The following MOGAT3 variants were observed in gnomAD, a reference collection of about 807,000 sequenced individuals.
The protein encoded by MOGAT3 is 2-acylglycerol O-acyltransferase 3.
A neutral mutation model predicts 34.4 loss-of-function variants in MOGAT3; 39 were observed. The ratio of observed to expected loss-of-function variants is 1.13; its 90% CI spans 0.88 to 1.48. The LOEUF is 1.48. MOGAT3 is among the 40% of genes most tolerant of loss of function. The probability of loss-of-function intolerance (pLI) is 0.00; values close to 1 mark genes in which losing one functional copy is unlikely to be tolerated. For missense variants in MOGAT3, 439 were observed against 438.9 expected (o/e 1.00, Z 0.00); for synonymous variants, 209 against 179.2 (o/e 1.17, Z -1.33).
In MOGAT3 at chr7:101,195,920, G is replaced by A. The variant is rs761650402; in HGVS notation, c.*26C>T. On this transcript the variant is annotated 3_prime_UTR_variant, in exon 7 of 7. Transcript: ENST00000223114. ...GAGGTCTCAGTGCCTTGGGCTCAGG[G>A]GCTCAGCGAAAGGCCGCGGCCAGGC... The A allele has an allele frequency of 1.1e-5, 17 of 1,613,304 alleles. No homozygotes were observed. The highest frequency in any genetic ancestry group is 8.3e-5 in the Admixed American group (5 of 59,954).
At position 101,196,135 on chromosome 7, in the gene MOGAT3, C is replaced by A. The variant is rs375257856; in HGVS notation, c.872-35G>T. The A allele has an allele frequency of 8.2e-6, 13 of 1,584,406 alleles. No individual in the cohort carries two copies. The African/African-American group carries it at 1.7e-4, about 21-fold the overall frequency. On this transcript the variant is annotated intron_variant, in intron 6 of 6. Coordinates refer to ENST00000223114, the MANE Select transcript of MOGAT3 (RefSeq NM_178176.4). The stretch of plus-strand genomic sequence containing the variant: ...GAGGGAGACAGGTGGGCGAGGGATC[C>A]CTGATGCCCACGCAGCTGCTGGTGG...
intron 5 of MOGAT3, among the ~76,000 whole-genome samples, chr7:101,197,729 G>A (rs1363644759): frequency 6.6e-6 from 1 of 152,178 alleles, no homozygotes; most frequent in African/African-American, 2.4e-5. Context: ...GTGAAACCCC[G>A]TCTCTACTAA....
chr7:101,200,319 A>ATAC lies in MOGAT3; in HGVS notation c.218-18_218-16dup, dbSNP rs1184057230. The ATAC allele has an allele frequency of 1.2e-6, 2 of 1,613,664 alleles. No individual in the cohort carries two copies. The highest frequency in any genetic ancestry group is 1.7e-6 in the Non-Finnish European group (2 of 1,179,720). ...ACGCCTTCCACCTGCGGACAATGAG[A>ATAC]TACTGGTGGACGAACCCCCGGAGTC... On this transcript the variant is annotated splice_polypyrimidine_tract_variant and intron_variant, in intron 2 of 6. Coordinates refer to ENST00000223114, the MANE Select transcript of MOGAT3 (RefSeq NM_178176.4).
At chr7:101,196,129 G>T in intron 6 of MOGAT3, 29 bp from the exon 7 acceptor site, 1 of 1,587,652 alleles carries the variant, frequency 6.3e-7, no homozygotes, top group Non-Finnish European at 8.6e-7. Flanking sequence ...AGGTGGGCGA[G>T]GGATCCCTGA....
chr7:101,194,498 C>CTTT (rs34849826), downstream of MOGAT3, among the ~76,000 whole-genome samples: 47 of 95,516 alleles, frequency 4.9e-4, no homozygotes, highest in Non-Finnish European at 6.6e-4. Flanking sequence ...AGGACATAAG[C>CTTT]TTTTTTTTTT....
downstream of MOGAT3, chr7:101,194,929 T>C (rs56406107): frequency 0.11 from 16,661 of 152,398 alleles, 1,037 homozygotes; most frequent in South Asian, 0.16. Flanking sequence ...TTCACCTCCA[T>C]CTAAATCCTG....
chr7:101,200,144 G>A (rs1797913420), intron 3 of MOGAT3, 90 bp downstream of exon 3: 1 of 1,110,208 alleles, frequency 9.0e-7, no homozygotes, highest in Non-Finnish European at 1.4e-6. Flanking sequence ...GCAGCGGGGA[G>A]CTCAGGCCCC....
In MOGAT3 at chr7:101,198,826, A is replaced by G. The variant is rs565362840; in HGVS notation, c.293T>C (p.Val98Ala). Residue 98 changes from valine (V) to alanine (A), a missense_variant, in exon 4 of 7, where the codon GTG (valine) becomes GCG (alanine). Physicochemically the swap from Val to Ala is moderately conservative, Grantham distance 64. Coordinates refer to ENST00000223114, the MANE Select transcript of MOGAT3 (RefSeq NM_178176.4). ...QLRDYYPVKL[V>A]KTAELPPDRN... is the part of the protein sequence containing the mutation. ...ATCCGGGGGCAGCTCTGCTGTTTTC[A>G]CCAGCTTCGGGGTGTTGAGCAGGAT... is the stretch of plus-strand genomic sequence containing the variant. The G allele has an allele frequency of 1.2e-6, 2 of 1,613,722 alleles. No homozygotes were observed. The highest frequency in any genetic ancestry group is 4.5e-5 in the East Asian group (2 of 44,840).
At position 101,196,146 on chromosome 7, in the gene MOGAT3, C is replaced by T. The variant is rs183966186; in HGVS notation, c.871+41G>A. ...GTGGGCGAGGGATCCCTGATGCCCA[C>T]GCAGCTGCTGGTGGCCGTCCCCCCG... On this transcript the variant is annotated intron_variant, in intron 6 of 6. Transcript: ENST00000223114. The T allele has an allele frequency of 6.6e-4, 1,041 of 1,577,322 alleles. 11 individuals carry two copies. The Admixed American group carries it at 0.016, about 25-fold the overall frequency.
In MOGAT3 at chr7:101,198,199, C is replaced by T; in HGVS notation, c.660G>A (p.Leu220=). The change falls in exon 5 of 7, where the codon CTG becomes CTA. Residue 220 remains leucine, a synonymous_variant. Transcript: ENST00000223114. ...QKRKGFVRLA[L]RHGASLVPVY... Reference sequence around the variant, plus strand: ...CCTGCACGCGCACTCACCCGTGCCTCAGCGCCAGGCGCACGAAGCCTTTGC... The same window carrying T: ...CCTGCACGCGCACTCACCCGTGCCTTAGCGCCAGGCGCACGAAGCCTTTGC... 1 of 1,612,226 alleles carries T rather than the reference C, an allele frequency of 6.2e-7. No individual in the cohort carries two copies. Among genetic ancestry groups the T allele is most frequent in the East Asian group, 2.2e-5 (1 of 44,806 alleles).
chr7:101,198,410 G>A lies in MOGAT3; in HGVS notation c.494-45C>T, dbSNP rs758530642. 10 of 1,505,754 alleles carry A rather than the reference G, an allele frequency of 6.6e-6. No homozygotes were observed. In the African/African-American group the frequency reaches 9.8e-5, roughly 15 times the overall value. The allele number at this position is 1,505,754 out of a possible 1,614,324, so 93.3% of individuals were successfully genotyped here. On this transcript the variant is annotated intron_variant, in intron 4 of 6. Transcript: ENST00000223114. Reference sequence around the variant, plus strand: ...GAAAGTAGTTCCCATCTGCCTCCACGGCACCCCCGCCCCTCACCCAGCCTT... The same window carrying A: ...GAAAGTAGTTCCCATCTGCCTCCACAGCACCCCCGCCCCTCACCCAGCCTT...
chr7:101,200,688 C>A, intron 1 of MOGAT3, 58 bp downstream of exon 1: 1 of 1,478,052 alleles, frequency 6.8e-7, no homozygotes, highest in Non-Finnish European at 9.4e-7. Flanking sequence ...CAGCCACTCT[C>A]CCTCCAAGCC....
In MOGAT3 at chr7:101,196,095, G is replaced by A. The variant is rs1017902639; in HGVS notation, c.877C>T (p.Arg293Cys). 6 of 1,607,750 alleles carry A rather than the reference G, an allele frequency of 3.7e-6. No individual in the cohort carries two copies. Among genetic ancestry groups the A allele is most frequent in the Admixed American group, 1.7e-5 (1 of 58,870 alleles). Reference sequence around the variant, plus strand: ...AGGCGCTGGGGGACGGGGATGGGGCGGCCCACTGCAGGGAGAGGGAGACAG... The same window carrying A: ...AGGCGCTGGGGGACGGGGATGGGGCAGCCCACTGCAGGGAGAGGGAGACAG... ...FAVPITTVVG[R>C]PIPVPQRLHP... The change falls in exon 7 of 7, where the codon CGC (arginine) becomes TGC (cysteine). Residue 293 changes from arginine to cysteine, a missense_variant. Arg to Cys is a radical substitution (Grantham distance 180). Transcript: ENST00000223114.
chr7:101,198,279 C>A lies in MOGAT3; in HGVS notation c.580G>T (p.Ala194Ser), dbSNP rs148270092. ...GQAVVIMVGG[A>S]HEALYSVPGE... ...GGGACTGAATACAGGGCCTCGTGCGCACCCCCCACCATGATGACCACGGCC... is the reference window on the plus strand; with the variant it reads ...GGGACTGAATACAGGGCCTCGTGCGAACCCCCCACCATGATGACCACGGCC... Residue 194 changes from alanine to serine, a missense_variant, in exon 5 of 7, where the codon GCG becomes TCG. Coordinates refer to ENST00000223114, the MANE Select transcript of MOGAT3 (RefSeq NM_178176.4). 7.9e-5 allele frequency: 127 copies of A among 1,608,854 alleles called. No individual in the cohort carries two copies. The highest frequency in any genetic ancestry group is 3.9e-4 in the Admixed American group (23 of 59,178).
Position 101,195,999 on chromosome 7 carries a change from C to T in MOGAT3, c.973G>A (p.Glu325Lys). The change falls in exon 7 of 7, where the codon GAG becomes AAG. Residue 325 changes from glutamate to lysine, a missense_variant. By Grantham distance (56) the Glu-to-Lys change is moderately conservative. Coordinates refer to ENST00000223114, the MANE Select transcript of MOGAT3 (RefSeq NM_178176.4). ...YMTALEQLFE[E>K]HKESCGVPAS... ...GGGACCCCACAGCTTTCCTTGTGCT[C>T]CTCGAAGAGCTGCTCCAGGGCCGTC... 1.2e-6 allele frequency: 2 copies of T among 1,614,152 alleles called. No individual in the cohort carries two copies. Among genetic ancestry groups the T allele is most frequent in the Non-Finnish European group, 8.5e-7 (1 of 1,180,030 alleles).
Position 101,195,863 on chromosome 7 carries a change from T to C in MOGAT3, c.*83A>G. On this transcript the variant is annotated 3_prime_UTR_variant, in exon 7 of 7. Coordinates refer to ENST00000223114, the MANE Select transcript of MOGAT3 (RefSeq NM_178176.4). ...GCACTGCGCTGGGCCCAGAACTACC[T>C]TTTATTGGAGGCATGGAGTCCACAG... 4 of 1,485,330 alleles carry C rather than the reference T, an allele frequency of 2.7e-6. No homozygotes were observed. The South Asian group carries it at 3.5e-5, about 13-fold the overall frequency. 92.0% of individuals were successfully genotyped at this position (1,485,330 alleles called of 1,614,324 possible).
At chr7:101,196,670 ACCAG>A (rs1797798132) in intron 5 of MOGAT3, among the ~76,000 whole-genome samples, 2 of 152,122 alleles carry the variant, frequency 1.3e-5, no homozygotes, top group African/African-American at 4.8e-5. Context: ...GGAGTTGGAG[ACCAG>A]CCTGGCCAAC....
rs371428887 is a variant in MOGAT3, at chr7:101,196,059, C to G, written c.913G>C (p.Glu305Gln). The change falls in exon 7 of 7, where the codon GAG (glutamate) becomes CAG (glutamine). Residue 305 changes from glutamate to glutamine, a missense_variant. By Grantham distance (29) the Glu-to-Gln change is conservative. Coordinates refer to ENST00000223114, the MANE Select transcript of MOGAT3 (RefSeq NM_178176.4). ...IPVPQRLHPT[E>Q]EEVNHYHALY... ...GCGTGATAGTGATTGACTTCCTCCT[C>G]GGTGGGGTGGAGGCGCTGGGGGACG... 1.2e-6 allele frequency: 2 copies of G among 1,612,042 alleles called. No individual in the cohort carries two copies. The highest frequency in any genetic ancestry group is 3.3e-5 in the Admixed American group (2 of 59,910).
At position 101,196,046 on chromosome 7, in the gene MOGAT3, T is replaced by C. The variant is rs1329495701; in HGVS notation, c.926A>G (p.Asn309Ser). The C allele has an allele frequency of 6.2e-7, 1 of 1,613,994 alleles. No homozygotes were observed. Among genetic ancestry groups the C allele is most frequent in the Non-Finnish European group, 8.5e-7 (1 of 1,179,948 alleles). The change falls in exon 7 of 7, where the codon AAT (asparagine) becomes AGT (serine). Residue 309 changes from asparagine to serine, a missense_variant. By Grantham distance (46) the Asn-to-Ser change is conservative. Transcript: ENST00000223114. ...CGTCATGTAGAGGGCGTGATAGTGATTGACTTCCTCCTCGGTGGGGTGGAG... is the reference window on the plus strand; with the variant it reads ...CGTCATGTAGAGGGCGTGATAGTGACTGACTTCCTCCTCGGTGGGGTGGAG... Reference protein sequence around the residue: ...QRLHPTEEEVNHYHALYMTAL... With the variant: ...QRLHPTEEEVSHYHALYMTAL...
Sources: gnomAD v4.1 joint callset for allele counts (sites outside exome capture counted in the v4.1 genomes callset) on GRCh38, gnomAD v4.1.1 for gene constraint, MANE v1.5 for transcripts, NCBI Gene and HGNC (gene_info 2026-07-23, HGNC 2026-07-21) for gene names.